Variants in NOL4L observed in about 807,000 individuals in gnomAD.
NOL4L encodes the protein nucleolar protein 4 like.
In NOL4L, 7 loss-of-function variants were observed where a neutral mutation model predicts 64.5. That is an observed-to-expected ratio of 0.11 (90% CI 0.06 to 0.20). The LOEUF (loss-of-function observed/expected upper bound fraction) is 0.20, where lower values mean the gene tolerates loss of function less well. Among genes scored for constraint, NOL4L ranks in the 10% least tolerant of loss-of-function variants. The pLI, the probability that NOL4L is intolerant of heterozygous loss-of-function variation, is 1.00. For missense variants in NOL4L, 680 were observed against 967.1 expected (o/e 0.70, Z 3.94); for synonymous variants, 413 against 401.0 (o/e 1.03, Z -0.36).
chr20:32,489,247 T>C (rs1384990353), intron 4 of NOL4L, among the ~76,000 whole-genome samples: 1 of 152,076 alleles, frequency 6.6e-6, no homozygotes, highest in African/African-American at 2.4e-5. Flanking sequence ...TTCATTACAT[T>C]TAAATCTTTA....
Position 32,453,034 on chromosome 20 carries a change from C to T in NOL4L, c.1498-28G>A. The T allele has an allele frequency of 1.2e-6, 2 of 1,610,942 alleles. No homozygotes were observed. The highest frequency in any genetic ancestry group is 1.7e-6 in the Non-Finnish European group (2 of 1,179,730). ...GCAGGCAGAACGGGGATGGAGCTAG[C>T]ATGGGGCCCGTGGGGGCCCTGGGCT... On this transcript the variant is annotated intron_variant, in intron 8 of 10. Coordinates refer to ENST00000621426, the MANE Select transcript of NOL4L (RefSeq NM_001256798.2). The surrounding 1 kb of genome is among the most constrained non-coding windows in gnomAD (Gnocchi z 5.6).
At chr20:32,558,680 T>C (rs1978813255) in intron 1 of NOL4L, among the ~76,000 whole-genome samples, 1 of 152,202 alleles carries the variant, frequency 6.6e-6, no homozygotes, top group South Asian at 2.1e-4. Context: ...TGTGGCCCTT[T>C]CCTCTGACTG....
chr20:32,478,242 T>TAC (rs553898145), intron 4 of NOL4L, among the ~76,000 whole-genome samples: 4,554 of 145,034 alleles, frequency 0.031, 86 homozygotes, highest in African/African-American at 0.054. Flanking sequence ...AGGCTATATT[T>TAC]ACACACACAC....
intron 1 of NOL4L, among the ~76,000 whole-genome samples, chr20:32,543,232 C>T (rs767257884): frequency 1.3e-5 from 2 of 152,170 alleles, no homozygotes; most frequent in African/African-American, 4.8e-5. Flanking sequence ...GACATTTGGG[C>T]TGGGTCTTGA....
chr20:32,447,766 G>T lies in NOL4L; in HGVS notation c.1873C>A (p.Pro625Thr). Residue 625 changes from proline (P) to threonine (T), a missense_variant, in exon 11 of 11, where the codon CCC (proline) becomes ACC (threonine). Pro to Thr is a conservative substitution (Grantham distance 38). Coordinates refer to ENST00000621426, the MANE Select transcript of NOL4L (RefSeq NM_001256798.2). ...KGGASTTSTT[P>T]TPTPSSTSTS... is the part of the protein sequence containing the mutation. The stretch of plus-strand genomic sequence containing the variant: ...CTGGTGCTGGAGGGGGTGGGCGTGG[G>T]GGTGGTGGAGGTGGTAGAGGCCCCG... The T allele has an allele frequency of 6.3e-7, 1 of 1,589,276 alleles. No homozygotes were observed.
rs1026562746 is a variant in NOL4L at position 32,464,552 on chromosome 20, G to A, written c.842-8157C>T. Among the ~76,000 whole-genome samples the A allele has an allele frequency of 2.6e-5, 4 of 152,292 alleles. No homozygotes were observed. Among genetic ancestry groups the A allele is most frequent in the South Asian group, 2.1e-4 (1 of 4,822 alleles). On this transcript the variant is annotated intron_variant, in intron 5 of 10. Coordinates refer to ENST00000621426, the MANE Select transcript of NOL4L (RefSeq NM_001256798.2). This position sits in a 1 kb window ranked among gnomAD's most constrained non-coding sequence, Gnocchi z 5.6. ...GCCCCCTGATTTGCAGCCCCGGGGC[G>A]CCAGTTCCTCTACCCCCACAGCATG...
intron 4 of NOL4L, among the ~76,000 whole-genome samples, chr20:32,488,761 TC>T (rs2016218421): frequency 1.8e-5 from 1 of 54,614 alleles, no homozygotes; most frequent in South Asian, 5.6e-4. Flanking sequence ...CTTCCTTCCT[TC>T]CTTCCTTCCT....
intron 1 of NOL4L, chr20:32,535,688 C>T (rs748493248): frequency 2.1e-4 from 204 of 985,344 alleles, no homozygotes; most frequent in Non-Finnish European, 2.3e-4. Flanking sequence ...GTCATCTCCT[C>T]CAAGCAGCTC....
intron 4 of NOL4L, among the ~76,000 whole-genome samples, chr20:32,506,054 T>C (rs552932872): frequency 1.3e-4 from 20 of 152,338 alleles, no homozygotes; most frequent in African/African-American, 4.8e-4. Context: ...AGGTTTTATA[T>C]ATTTATCACA....
intron 4 of NOL4L, among the ~76,000 whole-genome samples, chr20:32,496,449 A>G (rs1378133913): frequency 1.3e-5 from 2 of 151,970 alleles, no homozygotes; most frequent in East Asian, 1.9e-4. Context: ...TGGGTACCTT[A>G]TCTGTCTCAT....
chr20:32,544,918 C>T (rs2018711419), intron 1 of NOL4L, among the ~76,000 whole-genome samples: 1 of 152,182 alleles, frequency 6.6e-6, no homozygotes. Flanking sequence ...TCCTATTTTA[C>T]AGATCAGGAA....
intron 1 of NOL4L, 131 bp from the exon 2 acceptor site, chr20:32,528,044 G>A (rs1600835881): frequency 7.3e-6 from 2 of 275,854 alleles, no homozygotes; most frequent in Admixed American, 4.2e-5. Flanking sequence ...GGAGGGGAGG[G>A]AGCCTACCGA....
rs1252621703 is a variant in NOL4L at position 32,464,663 on chromosome 20, A to G, written c.842-8268T>C. 4.9e-6 allele frequency: 1 copy of G among 202,228 alleles called. No individual in the cohort carries two copies. The highest frequency in any genetic ancestry group is 2.3e-5 in the African/African-American group (1 of 43,726). The allele number at this position is 202,228 out of a possible 1,614,324, so 12.5% of individuals were successfully genotyped here. A position where few individuals can be genotyped will look rare whatever the true frequency, so the allele number is the denominator to read the frequency against. On this transcript the variant is annotated intron_variant, in intron 5 of 10. Transcript: ENST00000621426. The surrounding 1 kb of genome is among the most constrained non-coding windows in gnomAD (Gnocchi z 5.6). ...TCACTCTTTGCTTAGGCAGGTGCCA[A>G]TTTAGGCCCTCACAGTCGGGAGCAG...
chr20:32,530,522 C>T (rs963381549), intron 1 of NOL4L, among the ~76,000 whole-genome samples: 1 of 150,388 alleles, frequency 6.6e-6, no homozygotes, highest in Admixed American at 6.6e-5. Context: ...GCCTGGGCAA[C>T]AGAGCGAGAT....
At position 32,511,296 on chromosome 20, in the gene NOL4L, C is replaced by T. The variant is rs939499711; in HGVS notation, c.699+51G>A. ...AGTCTTGGAAAGAATCAACCACCGC[C>T]AGGCAAGTCAGGACGCCTCCAGGTG... On this transcript the variant is annotated intron_variant, in intron 4 of 10. Coordinates refer to ENST00000621426, the MANE Select transcript of NOL4L (RefSeq NM_001256798.2). The T allele has an allele frequency of 5.9e-6, 7 of 1,186,292 alleles. No individual in the cohort carries two copies. In the Admixed American group the frequency reaches 1.2e-4, roughly 21 times the overall value. 73.5% of individuals were successfully genotyped at this position (1,186,292 alleles called of 1,614,324 possible).
At chr20:32,512,665 TAC>T (rs1366459981) in intron 3 of NOL4L, among the ~76,000 whole-genome samples, 3 of 152,248 alleles carry the variant, frequency 2.0e-5, no homozygotes, top group Admixed American at 1.3e-4. Flanking sequence ...TCATAATGCA[TAC>T]AGAGAATTCC....
At chr20:32,536,978 C>T (rs2018553873) in intron 1 of NOL4L, 3 of 809,522 alleles carry the variant, frequency 3.7e-6, no homozygotes, top group Non-Finnish European at 4.5e-6. Context: ...CCACCCCACG[C>T]GCACCTGCTG....
chr20:32,496,999 G>A (rs902106158), intron 4 of NOL4L, among the ~76,000 whole-genome samples: 5 of 132,846 alleles, frequency 3.8e-5, no homozygotes, highest in East Asian at 4.7e-4. Flanking sequence ...CAGTCACCCC[G>A]AGCAAAACAA....
chr20:32,496,337 G>A (rs980684030), intron 4 of NOL4L, among the ~76,000 whole-genome samples: 1 of 152,134 alleles, frequency 6.6e-6, no homozygotes, highest in Non-Finnish European at 1.5e-5. Context: ...GGCACAGTCT[G>A]TCATCTTACT....
Sources: allele counts gnomAD v4.1 joint callset (sites outside exome capture counted in the v4.1 genomes callset), GRCh38; gene constraint gnomAD v4.1.1; non-coding constraint Gnocchi (gnomAD v3.1); transcripts MANE v1.5; gene names NCBI Gene and HGNC (gene_info 2026-07-23, HGNC 2026-07-21).